SMAD2: variants seen among roughly 807,000 people sequenced by gnomAD.
SMAD2 encodes SMAD family member 2.
In SMAD2, 8 loss-of-function variants were observed where a neutral mutation model predicts 64.4. That is an observed-to-expected ratio of 0.12 (90% CI 0.07 to 0.22). The LOEUF (loss-of-function observed/expected upper bound fraction) is 0.22. Ranked by LOEUF, SMAD2 falls within the 10% of genes least tolerant of loss-of-function variation. The pLI, the probability that SMAD2 is intolerant of heterozygous loss-of-function variation, is 1.00. For synonymous variants in SMAD2, 203 were observed against 195.8 expected (o/e 1.04, Z -0.31); for missense variants, 289 against 561.2 (o/e 0.51, Z 4.90).
At chr18:47,878,297 A>T (rs2032383932) in intron 2 of SMAD2, 1 of 152,214 alleles carries the variant, frequency 6.6e-6, no homozygotes, top group Admixed American at 6.5e-5. Flanking sequence ...ATGTCCAGAT[A>T]TGTGAGGAAT....
At chr18:47,868,653 T>C (rs1342852558) in intron 4 of SMAD2, among the ~76,000 whole-genome samples, 196 bp from the exon 5 acceptor site, 1 of 152,166 alleles carries the variant, frequency 6.6e-6, no homozygotes, top group Non-Finnish European at 1.5e-5. Context: ...TTATCCAAAT[T>C]TCCAAGTTCT....
intron 6 of SMAD2, among the ~76,000 whole-genome samples, chr18:47,858,436 C>T (rs1199667429): frequency 6.6e-6 from 1 of 152,052 alleles, no homozygotes; most frequent in Non-Finnish European, 1.5e-5. Flanking sequence ...AAAGAAATGT[C>T]TGTAGTAAAG....
At chr18:47,867,835 T>G (rs1792683) in intron 5 of SMAD2, among the ~76,000 whole-genome samples, 88,716 of 151,832 alleles carry the variant, frequency 0.58, 26,284 homozygotes, top group East Asian at 0.82. Context: ...CTGACGTTCG[T>G]GTTATAATAT....
intron 2 of SMAD2, among the ~76,000 whole-genome samples, chr18:47,878,916 T>TA (rs1444716881): frequency 2.0e-5 from 3 of 152,124 alleles, no homozygotes; most frequent in African/African-American, 7.2e-5. Context: ...TTTGGAACAT[T>TA]AAAAATAAGG....
At chr18:47,919,479 C>T (rs1401934766) in intron 1 of SMAD2, among the ~76,000 whole-genome samples, 44 of 27,958 alleles carry the variant, frequency 1.6e-3, no homozygotes, top group South Asian at 0.014. Flanking sequence ...TACACACACA[C>T]ACACACACAC....
rs1913740753 is a variant in SMAD2, at chr18:47,839,500, C to A, written c.*2327G>T. 1 of 233,168 alleles carries A rather than the reference C, an allele frequency of 4.3e-6. No individual in the cohort carries two copies. Among genetic ancestry groups the A allele is most frequent in the African/African-American group, 2.2e-5 (1 of 45,328 alleles). 14.4% of individuals were successfully genotyped at this position (233,168 alleles called of 1,614,324 possible). A position where few individuals can be genotyped will look rare whatever the true frequency, so the allele number is the denominator to read the frequency against. On this transcript the variant is annotated 3_prime_UTR_variant, in exon 11 of 11. Coordinates refer to ENST00000262160, the MANE Select transcript of SMAD2 (RefSeq NM_005901.6). ...TACTGGACAGCACAAAGTCTGGAAG[C>A]AAGCAGCAGGGCACTAAAACAGTGA...
intron 7 of SMAD2, among the ~76,000 whole-genome samples, chr18:47,850,507 TA>T (rs1915248855): frequency 7.8e-5 from 1 of 12,804 alleles, no homozygotes; most frequent in South Asian, 2.3e-3. Context: ...ATATATGTTA[TA>T]TATATAATAT....
At chr18:47,928,315 T>C (rs1324589623) in intron 1 of SMAD2, among the ~76,000 whole-genome samples, 1 of 152,104 alleles carries the variant, frequency 6.6e-6, no homozygotes, top group South Asian at 2.1e-4. Context: ...ATTTGCAAAA[T>C]GTAAAAATTC....
rs527547118 is a variant in SMAD2, at chr18:47,831,501, G to A, written c.*10326C>T. 6.6e-6 allele frequency: 1 copy of A among 152,200 alleles called. No homozygotes were observed. Among genetic ancestry groups the A allele is most frequent in the East Asian group, 1.9e-4 (1 of 5,204 alleles). The allele number at this position is 152,200 out of a possible 1,614,324, so 9.4% of individuals were successfully genotyped here. A position where few individuals can be genotyped will look rare whatever the true frequency, so the allele number is the denominator to read the frequency against. On this transcript the variant is annotated 3_prime_UTR_variant, in exon 11 of 11. Coordinates refer to ENST00000262160, the MANE Select transcript of SMAD2 (RefSeq NM_005901.6). Reference sequence around the variant, plus strand: ...ATTTTCACATAACATTTAGAAAGGTGCAGAGGCAGCCAACAAAACTATTGA... The same window carrying A: ...ATTTTCACATAACATTTAGAAAGGTACAGAGGCAGCCAACAAAACTATTGA...
At chr18:47,847,881 T>C (rs1167034758) in intron 8 of SMAD2, among the ~76,000 whole-genome samples, 1 of 152,086 alleles carries the variant, frequency 6.6e-6, no homozygotes, top group Non-Finnish European at 1.5e-5. Flanking sequence ...AAACAGCATC[T>C]CAGTACTACT....
intron 2 of SMAD2, among the ~76,000 whole-genome samples, chr18:47,881,197 G>A (rs1434335034): frequency 6.6e-6 from 1 of 152,082 alleles, no homozygotes; most frequent in Non-Finnish European, 1.5e-5. Flanking sequence ...TGTGCAGTTT[G>A]TTATTGAGGG....
At position 47,819,241 on chromosome 18, in the gene SMAD2, GTC is replaced by G. The variant is rs1437310088; in HGVS notation, c.*22584_*22585del. 1 of 152,080 alleles carries G rather than the reference GTC, an allele frequency of 6.6e-6. No individual in the cohort carries two copies. Among genetic ancestry groups the G allele is most frequent in the Non-Finnish European group, 1.5e-5 (1 of 68,016 alleles). The allele number at this position is 152,080 out of a possible 1,614,324, so 9.4% of individuals were successfully genotyped here. On this transcript the variant is annotated 3_prime_UTR_variant, in exon 11 of 11. Transcript: ENST00000262160. The stretch of plus-strand genomic sequence containing the variant: ...GAATTTACTACTCAGTTTTATATTT[GTC>G]TCTGTTAGACTTTTTAAGGTCATAA...
chr18:47,833,243 T>C lies in SMAD2; in HGVS notation c.*8584A>G, dbSNP rs1913088657. On this transcript the variant is annotated 3_prime_UTR_variant, in exon 11 of 11. Coordinates refer to ENST00000262160, the MANE Select transcript of SMAD2 (RefSeq NM_005901.6). ...TGATGCACACAAATATATATAAAAA[T>C]TGACCAGAAATCACAGGACATGTAA... 1 of 211,950 alleles carries C rather than the reference T, an allele frequency of 4.7e-6. No individual in the cohort carries two copies. The highest frequency in any genetic ancestry group is 1.9e-4 in the South Asian group (1 of 5,342). The allele number at this position is 211,950 out of a possible 1,614,324, so 13.1% of individuals were successfully genotyped here.
rs1346703963 is a variant in SMAD2, at chr18:47,822,650, T to C, written c.*19177A>G. The C allele has an allele frequency of 6.6e-6, 1 of 152,256 alleles. No homozygotes were observed. Among genetic ancestry groups the C allele is most frequent in the Non-Finnish European group, 1.5e-5 (1 of 68,050 alleles). The allele number at this position is 152,256 out of a possible 1,614,324, so 9.4% of individuals were successfully genotyped here. ...ATATTTGCTTTTCCTTTCTTCTTGA[T>C]CCCTCCAATTTGGAAACTATTTTGA... On this transcript the variant is annotated 3_prime_UTR_variant, in exon 11 of 11. Coordinates refer to ENST00000262160, the MANE Select transcript of SMAD2 (RefSeq NM_005901.6).
At chr18:47,850,236 ATAT>A (rs1372004792) in intron 7 of SMAD2, among the ~76,000 whole-genome samples, 90 of 49,804 alleles carry the variant, frequency 1.8e-3, no homozygotes, top group African/African-American at 6.2e-3. Flanking sequence ...TATATATTAT[ATAT>A]TATATATTAT....
In SMAD2 at chr18:47,845,845, T is replaced by TTA. The variant is rs903353322; in HGVS notation, c.998-46_998-45insTA. 1.9e-6 allele frequency: 3 copies of TTA among 1,571,960 alleles called. No homozygotes were observed. In the African/African-American group the frequency reaches 4.0e-5, roughly 21 times the overall value. Reference sequence around the variant, plus strand: ...AGATTAGTTTTGTAACATTTACTATTTCAGTGTGACTTTGGAAGCATTTTC... The same window carrying TTA: ...AGATTAGTTTTGTAACATTTACTATTTATCAGTGTGACTTTGGAAGCATTTTC... On this transcript the variant is annotated intron_variant, in intron 8 of 10. Coordinates refer to ENST00000262160, the MANE Select transcript of SMAD2 (RefSeq NM_005901.6).
At chr18:47,867,807 AT>A (rs774234327) in intron 5 of SMAD2, among the ~76,000 whole-genome samples, 1 of 152,190 alleles carries the variant, frequency 6.6e-6, no homozygotes, top group South Asian at 2.1e-4. Flanking sequence ...CAGACGAAAC[AT>A]AATTAAAGGA....
intron 10 of SMAD2, among the ~76,000 whole-genome samples, chr18:47,844,262 T>C (rs1290144933): frequency 6.6e-6 from 1 of 152,162 alleles, no homozygotes; most frequent in Non-Finnish European, 1.5e-5. Flanking sequence ...AAATCAGATT[T>C]CTGACAAAAC....
At chr18:47,910,939 A>G (rs2034102428) in intron 1 of SMAD2, among the ~76,000 whole-genome samples, 1 of 152,220 alleles carries the variant, frequency 6.6e-6, no homozygotes. Flanking sequence ...CTGTATATTT[A>G]CTAAAAAAGA....
Sources: gnomAD v4.1 joint callset for allele counts (sites outside exome capture counted in the v4.1 genomes callset) on GRCh38, gnomAD v4.1.1 for gene constraint, MANE v1.5 for transcripts, NCBI Gene and HGNC (gene_info 2026-07-23, HGNC 2026-07-21) for gene names.